Variants in TRABD2B observed in about 807,000 individuals in gnomAD.
TRABD2B encodes the protein TraB domain containing 2B.
TRABD2B carries 14 observed loss-of-function variants against 40.1 expected under a neutral mutation model. The observed-to-expected ratio is 0.35, with a 90% CI of 0.23 to 0.55. The LOEUF (loss-of-function observed/expected upper bound fraction) is 0.55. Among genes scored for constraint, TRABD2B ranks in the 20% least tolerant of loss-of-function variants. The pLI is 0.90. For synonymous variants in TRABD2B, 263 were observed against 277.0 expected (o/e 0.95, Z 0.50); for missense variants, 541 against 648.6 (o/e 0.83, Z 1.80).
chr1:47,935,019 T>C (rs1437452612), intron 2 of TRABD2B, among the ~76,000 whole-genome samples: 5 of 152,148 alleles, frequency 3.3e-5, no homozygotes, highest in Admixed American at 1.3e-4. Flanking sequence ...AAATTCCTAC[T>C]CATGCCTCAG....
chr1:47,806,062 C>T (rs1348036837), intron 2 of TRABD2B, among the ~76,000 whole-genome samples: 2 of 152,200 alleles, frequency 1.3e-5, no homozygotes, highest in Non-Finnish European at 2.9e-5. Flanking sequence ...TGGTAAAAGA[C>T]AGGGCTGGGG....
At chr1:47,933,238 T>C (rs545542859) in intron 2 of TRABD2B, among the ~76,000 whole-genome samples, 1 of 152,024 alleles carries the variant, frequency 6.6e-6, no homozygotes, top group South Asian at 2.1e-4. Flanking sequence ...CCTGAGTAGC[T>C]GGGACTATAG....
At chr1:47,868,011 T>C (rs1341796824) in intron 2 of TRABD2B, among the ~76,000 whole-genome samples, 1 of 152,126 alleles carries the variant, frequency 6.6e-6, no homozygotes, top group Admixed American at 6.5e-5. Context: ...TTGAAAGGGG[T>C]AGGAGGTGAA....
At chr1:47,908,170 T>G (rs907043103) in intron 2 of TRABD2B, among the ~76,000 whole-genome samples, 1 of 152,150 alleles carries the variant, frequency 6.6e-6, no homozygotes, top group Non-Finnish European at 1.5e-5. Flanking sequence ...GAAGAGTATG[T>G]ATAATAATAA....
chr1:47,992,137 A>T, intron 2 of TRABD2B, among the ~76,000 whole-genome samples: 1 of 152,182 alleles, frequency 6.6e-6, no homozygotes, highest in East Asian at 1.9e-4. Context: ...TCTTTTGAGG[A>T]GCTGGACCAA....
At chr1:47,937,475 T>C (rs1206612632) in intron 2 of TRABD2B, among the ~76,000 whole-genome samples, 1 of 151,444 alleles carries the variant, frequency 6.6e-6, no homozygotes, top group Non-Finnish European at 1.5e-5. Context: ...CCACTGTCAC[T>C]ATCATCACCA....
At chr1:47,828,016 C>A (rs976697746) in intron 2 of TRABD2B, among the ~76,000 whole-genome samples, 1 of 152,152 alleles carries the variant, frequency 6.6e-6, no homozygotes, top group Non-Finnish European at 1.5e-5. Context: ...TCAGCCCGGG[C>A]ATCTCAGGCT....
At chr1:47,771,163 A>C (rs1644372892) in intron 6 of TRABD2B, among the ~76,000 whole-genome samples, 1 of 152,160 alleles carries the variant, frequency 6.6e-6, no homozygotes, top group Non-Finnish European at 1.5e-5. Flanking sequence ...TCCCAGAAGG[A>C]GGACTGGCTG....
intron 2 of TRABD2B, among the ~76,000 whole-genome samples, chr1:47,953,359 T>C (rs1026290920): frequency 6.6e-6 from 1 of 152,218 alleles, no homozygotes; most frequent in African/African-American, 2.4e-5. Context: ...TCACAGCTTT[T>C]CATGACATCA....
At chr1:47,960,342 A>G (rs1468901697) in intron 2 of TRABD2B, among the ~76,000 whole-genome samples, 3 of 152,226 alleles carry the variant, frequency 2.0e-5, no homozygotes, top group East Asian at 1.9e-4. Flanking sequence ...CCTATTCAAC[A>G]TAGTGTTGGA....
chr1:47,873,382 A>C (rs537045902), intron 2 of TRABD2B, among the ~76,000 whole-genome samples: 3 of 152,182 alleles, frequency 2.0e-5, no homozygotes, highest in African/African-American at 7.2e-5. Flanking sequence ...GATGTCAGGT[A>C]GTCTTTATTT....
At chr1:47,860,034 C>T (rs1012304257) in intron 2 of TRABD2B, among the ~76,000 whole-genome samples, 5 of 152,174 alleles carry the variant, frequency 3.3e-5, no homozygotes, top group Non-Finnish European at 7.3e-5. Context: ...TCAGACTGCA[C>T]TACCTTGTGT....
intron 2 of TRABD2B, among the ~76,000 whole-genome samples, chr1:47,885,694 C>G (rs1644362293): frequency 6.6e-6 from 1 of 152,090 alleles, no homozygotes; most frequent in South Asian, 2.1e-4. Context: ...ACTTGGAGGG[C>G]AGCAGCCTGG....
intron 2 of TRABD2B, among the ~76,000 whole-genome samples, chr1:47,920,381 C>T (rs12119051): frequency 0.19 from 28,646 of 152,176 alleles, 3,328 homozygotes; most frequent in Admixed American, 0.25. Flanking sequence ...CCTCTCCTGT[C>T]CTCAAAATGA....
intron 2 of TRABD2B, among the ~76,000 whole-genome samples, chr1:47,963,647 C>T (rs914515318): frequency 5.3e-5 from 8 of 152,206 alleles, no homozygotes; most frequent in African/African-American, 1.9e-4. Context: ...TATTTATTTG[C>T]TTCCAGTCCT....
At chr1:47,925,151 G>T (rs2124746750) in intron 2 of TRABD2B, among the ~76,000 whole-genome samples, 1 of 152,274 alleles carries the variant, frequency 6.6e-6, no homozygotes, top group Middle Eastern at 3.4e-3. Flanking sequence ...ATTCCAGTTT[G>T]ATTAGTTTGA....
Position 47,801,419 on chromosome 1 carries a change from G to A in TRABD2B, c.813+54C>T, listed in dbSNP as rs747918987. The A allele has an allele frequency of 1.5e-5, 23 of 1,508,160 alleles. 1 individual carries two copies. The highest frequency in any genetic ancestry group is 4.8e-5 in the South Asian group (4 of 82,574). 93.4% of individuals were successfully genotyped at this position (1,508,160 alleles called of 1,614,324 possible). ...AGAGAAGATTACCTATGCCTGGCACGTCATAGGGATCTAATAAATGCCAGG... is the reference window on the plus strand; with the variant it reads ...AGAGAAGATTACCTATGCCTGGCACATCATAGGGATCTAATAAATGCCAGG... On this transcript the variant is annotated intron_variant, in intron 3 of 6. Transcript: ENST00000606738.
At chr1:47,906,655 G>T (rs949846755) in intron 2 of TRABD2B, among the ~76,000 whole-genome samples, 8 of 152,198 alleles carry the variant, frequency 5.3e-5, no homozygotes, top group African/African-American at 1.9e-4. Flanking sequence ...CTGGCTGGAG[G>T]CTGTCAGCCG....
intron 2 of TRABD2B, among the ~76,000 whole-genome samples, chr1:47,807,055 C>T (rs1273505616): frequency 6.6e-6 from 1 of 152,196 alleles, no homozygotes; most frequent in Non-Finnish European, 1.5e-5. Context: ...TTAAAAATCC[C>T]TGCCCTTACA....
Sources: allele counts gnomAD v4.1 joint callset (sites outside exome capture counted in the v4.1 genomes callset), GRCh38; gene constraint gnomAD v4.1.1; transcripts MANE v1.5; gene names NCBI Gene and HGNC (gene_info 2026-07-23, HGNC 2026-07-21).